RTL4: variants seen among roughly 807,000 people sequenced by gnomAD.
RTL4 encodes the protein retrotransposon Gag like 4.
In RTL4, 4 loss-of-function variants were observed where a neutral mutation model predicts 5.3. The observed-to-expected ratio is 0.75, with a 90% CI of 0.37 to 1.72. RTL4 has a LOEUF of 1.72. RTL4 is among the 40% of genes most tolerant of loss of function. The pLI is 0.04. For missense variants in RTL4, 260 were observed against 227.1 expected (o/e 1.14, Z -0.93); for synonymous variants, 98 against 87.3 (o/e 1.12, Z -0.68).
chrX:112,303,894 A>C, the RTL4 span, among the ~76,000 whole-genome samples: 1 of 111,233 alleles, frequency 9.0e-6, no homozygotes, highest in African/African-American at 3.3e-5. Flanking sequence ...GGATGCTTGT[A>C]TTATAACTAC....
At chrX:112,096,457 G>A in the RTL4 span, among the ~76,000 whole-genome samples, 1 of 111,313 alleles carries the variant, frequency 9.0e-6, no homozygotes. Context: ...TCCAGTAATG[G>A]GTCCTCAGAT....
the RTL4 span, among the ~76,000 whole-genome samples, chrX:112,265,699 T>C: frequency 2.7e-5 from 3 of 111,292 alleles, no homozygotes; most frequent in Admixed American, 9.5e-5. Context: ...CCCCTGATCT[T>C]GCAATGTGGT....
At chrX:112,149,409 G>C in the RTL4 span, among the ~76,000 whole-genome samples, 1 of 111,819 alleles carries the variant, frequency 8.9e-6, no homozygotes, top group Non-Finnish European at 1.9e-5. Context: ...CAAAGTTACA[G>C]TTTTAGATAG....
At chrX:112,271,063 A>C in the RTL4 span, among the ~76,000 whole-genome samples, 7,229 of 108,388 alleles carry the variant, frequency 0.067, 608 homozygotes, top group African/African-American at 0.23. Context: ...AAAAAAAAAA[A>C]AAAAAAAACC....
At chrX:112,110,333 G>A in the RTL4 span, among the ~76,000 whole-genome samples, 2 of 111,871 alleles carry the variant, frequency 1.8e-5, no homozygotes, top group East Asian at 5.7e-4. Flanking sequence ...AATAGATTTT[G>A]TTATTTCTTG....
the RTL4 span, among the ~76,000 whole-genome samples, chrX:112,366,857 G>C: frequency 4.5e-5 from 5 of 111,942 alleles, no homozygotes; most frequent in Non-Finnish European, 9.4e-5. Context: ...TCAAGTCAAG[G>C]CTGGAGGCCT....
the RTL4 span, among the ~76,000 whole-genome samples, chrX:112,254,671 C>T: frequency 2.4e-4 from 26 of 109,159 alleles, no homozygotes; most frequent in Non-Finnish European, 9.5e-5. Context: ...TGAACAGGGG[C>T]GGGGGGCATT....
At chrX:112,344,020 TA>T in the RTL4 span, among the ~76,000 whole-genome samples, 198 of 112,306 alleles carry the variant, frequency 1.8e-3, no homozygotes, top group African/African-American at 6.1e-3. Flanking sequence ...ACCAAAAGAA[TA>T]AGTTCTTTTA....
the RTL4 span, among the ~76,000 whole-genome samples, chrX:112,300,706 C>T: frequency 8.9e-6 from 1 of 112,190 alleles, no homozygotes; most frequent in African/African-American, 3.2e-5. Flanking sequence ...GTTAGAGAAG[C>T]AATACGACAA....
At chrX:112,157,347 TAAGTA>T in the RTL4 span, among the ~76,000 whole-genome samples, 2 of 111,203 alleles carry the variant, frequency 1.8e-5, no homozygotes, top group South Asian at 7.6e-4. Context: ...AAATGATCCC[TAAGTA>T]TAGTTCTAGC....
the RTL4 span, among the ~76,000 whole-genome samples, chrX:112,138,636 T>C: frequency 9.0e-6 from 1 of 111,480 alleles, no homozygotes; most frequent in Non-Finnish European, 1.9e-5. Flanking sequence ...TTTGGTCTTA[T>C]TATCCAAAGT....
chrX:112,187,167 T>C, the RTL4 span, among the ~76,000 whole-genome samples: 1 of 112,357 alleles, frequency 8.9e-6, no homozygotes. Flanking sequence ...TTGCAAACTT[T>C]GGGGTGTTCA....
the RTL4 span, among the ~76,000 whole-genome samples, chrX:112,168,961 TTCTTTTTC>T: frequency 4.6e-5 from 5 of 108,051 alleles, no homozygotes; most frequent in East Asian, 2.9e-4. Flanking sequence ...CTTTCTTTCT[TTCTTTTTC>T]TTTCTTTCTT....
upstream of RTL4, among the ~76,000 whole-genome samples, chrX:112,451,601 T>G (rs1321653999): frequency 8.9e-6 from 1 of 112,034 alleles, no homozygotes; most frequent in African/African-American, 3.2e-5. Context: ...ATTATAATCA[T>G]GTCTATTTTA....
At chrX:112,428,565 T>C in the RTL4 span, among the ~76,000 whole-genome samples, 3 of 111,576 alleles carry the variant, frequency 2.7e-5, no homozygotes, top group Non-Finnish European at 5.7e-5. Flanking sequence ...GGGTATTTTC[T>C]GACCCACAGT....
chrX:112,302,291 T>C, the RTL4 span, among the ~76,000 whole-genome samples: 1 of 109,012 alleles, frequency 9.2e-6, no homozygotes, highest in Non-Finnish European at 1.9e-5. Context: ...AGCTTTGGAC[T>C]TAAGACTTAA....
chrX:112,315,418 C>T, the RTL4 span, among the ~76,000 whole-genome samples: 1 of 111,310 alleles, frequency 9.0e-6, no homozygotes, highest in Non-Finnish European at 1.9e-5. Flanking sequence ...CCTCTACTCT[C>T]GACAATACTG....
At chrX:112,176,398 C>T in the RTL4 span, among the ~76,000 whole-genome samples, 1 of 111,469 alleles carries the variant, frequency 9.0e-6, no homozygotes, top group African/African-American at 3.3e-5. Flanking sequence ...TTTCCACAAC[C>T]AACTAGCTTT....
At chrX:112,305,249 C>T in the RTL4 span, among the ~76,000 whole-genome samples, 13 of 109,110 alleles carry the variant, frequency 1.2e-4, no homozygotes, top group Admixed American at 8.8e-4. Flanking sequence ...CCTTCGCTTC[C>T]GGGTTCAAGT....
Sources: allele counts gnomAD v4.1 joint callset (sites outside exome capture counted in the v4.1 genomes callset), GRCh38; gene constraint gnomAD v4.1.1; transcripts MANE v1.5; gene names NCBI Gene and HGNC (gene_info 2026-07-23, HGNC 2026-07-21).